PMM2: variants seen among roughly 807,000 people sequenced by gnomAD.
The protein encoded by PMM2 is phosphomannomutase 2.
A neutral mutation model predicts 33.2 loss-of-function variants in PMM2; 35 were observed. That is an observed-to-expected ratio of 1.06 (90% CI 0.81 to 1.40). The LOEUF is 1.40. Ranked by LOEUF, PMM2 falls within the 40% of genes most tolerant of loss-of-function variation. The pLI is 0.00. For synonymous variants in PMM2, 153 were observed against 114.7 expected (o/e 1.33, Z -2.13); for missense variants, 386 against 306.0 (o/e 1.26, Z -1.95).
intron 2 of PMM2, chr16:8,802,364 C>A: frequency 2.3e-6 from 1 of 439,026 alleles, no homozygotes; most frequent in Non-Finnish European, 4.5e-6. Flanking sequence ...CTTGATAGGT[C>A]TGTGGAGCCT....
intron 7 of PMM2, among the ~76,000 whole-genome samples, chr16:8,831,379 C>T (rs150530834): frequency 2.0e-5 from 3 of 151,820 alleles, no homozygotes; most frequent in Non-Finnish European, 2.9e-5. Flanking sequence ...ACATCCATAG[C>T]AAGAATCGAC....
chr16:8,811,027 C>A, intron 4 of PMM2, 52 bp from the exon 5 acceptor site: 2 of 983,444 alleles, frequency 2.0e-6, no homozygotes, highest in Middle Eastern at 2.3e-4. Flanking sequence ...ATCTATGTTG[C>A]CCAAATGAAT....
intron 7 of PMM2, among the ~76,000 whole-genome samples, chr16:8,813,609 G>T (rs1282903253): frequency 2.0e-5 from 3 of 152,142 alleles, no homozygotes; most frequent in Non-Finnish European, 4.4e-5. Flanking sequence ...CACACGGCGG[G>T]TGCTTGGAGC....
chr16:8,827,835 TTGTATAA>T (rs1291453388), intron 7 of PMM2, among the ~76,000 whole-genome samples: 1 of 90,960 alleles, frequency 1.1e-5, no homozygotes, highest in African/African-American at 3.9e-5. Flanking sequence ...ATTATATATA[TTGTATAA>T]TATATAATAT....
chr16:8,825,815 G>A (rs2060764548), intron 7 of PMM2, among the ~76,000 whole-genome samples: 1 of 149,030 alleles, frequency 6.7e-6, no homozygotes, highest in Admixed American at 6.7e-5. Context: ...GAGTGCAGTG[G>A]CACATTCTCA....
At chr16:8,825,617 G>C (rs1408058266) in intron 7 of PMM2, among the ~76,000 whole-genome samples, 1 of 152,130 alleles carries the variant, frequency 6.6e-6, no homozygotes, top group Admixed American at 6.6e-5. Flanking sequence ...ACCACTCCTA[G>C]CCAAAGCTAG....
chr16:8,799,577 C>G (rs2060600182), intron 1 of PMM2, among the ~76,000 whole-genome samples: 1 of 151,294 alleles, frequency 6.6e-6, no homozygotes, highest in Admixed American at 6.6e-5. Context: ...AAGACAGAGT[C>G]TCACTCTGTC....
At chr16:8,803,568 G>A (rs1373440827) in intron 2 of PMM2, among the ~76,000 whole-genome samples, 2 of 152,294 alleles carry the variant, frequency 1.3e-5, no homozygotes, top group East Asian at 1.9e-4. Flanking sequence ...ACACATAGGG[G>A]ATCTGCATTT....
At chr16:8,846,762 G>A (rs769860561) in intron 7 of PMM2, among the ~76,000 whole-genome samples, 6 of 152,206 alleles carry the variant, frequency 3.9e-5, no homozygotes, top group African/African-American at 7.2e-5. Context: ...GGGAGTTGGC[G>A]CAGCCACACT....
chr16:8,817,532 C>A (rs1364990310), intron 7 of PMM2, among the ~76,000 whole-genome samples: 1 of 152,188 alleles, frequency 6.6e-6, no homozygotes, highest in Non-Finnish European at 1.5e-5. Flanking sequence ...GAATGGAATG[C>A]AGTTCTTGGA....
intron 4 of PMM2, chr16:8,809,701 C>G (rs539745030): frequency 1.3e-5 from 2 of 152,152 alleles, no homozygotes; most frequent in Non-Finnish European, 2.9e-5. Context: ...ATCCGCCCGC[C>G]GCAGCATCCC....
chr16:8,839,733 CTT>C (rs775884564), intron 7 of PMM2, among the ~76,000 whole-genome samples: 10 of 151,676 alleles, frequency 6.6e-5, no homozygotes, highest in Non-Finnish European at 1.2e-4. Context: ...TGTAGTTGGA[CTT>C]TGGAGATGAA....
At chr16:8,832,141 G>C in intron 7 of PMM2, 2 of 985,392 alleles carry the variant, frequency 2.0e-6, no homozygotes, top group Non-Finnish European at 2.4e-6. Flanking sequence ...ATGCAAGCTC[G>C]ACACAGCCCC....
Position 8,798,990 on chromosome 16 carries a change from G to C in PMM2, c.66+1042G>C, listed in dbSNP as rs550404669. 2.4e-4 allele frequency among the ~76,000 whole-genome samples: 36 copies of C among 152,296 alleles called. No individual in the cohort carries two copies. In the South Asian group the frequency reaches 3.1e-3, roughly 13 times the overall value. ...CCCAAGTTCTTCAAAGGCTTTTTCT[G>C]ATTCTGAAATTCAGTGATCACACAC... On this transcript the variant is annotated intron_variant, in intron 1 of 7. Transcript: ENST00000268261.
chr16:8,832,590 C>T (rs924296386), intron 7 of PMM2: 26 of 985,310 alleles, frequency 2.6e-5, no homozygotes, highest in Non-Finnish European at 3.1e-5. Context: ...GGGTCTCTTC[C>T]CAGGTAATGG....
intron 7 of PMM2, among the ~76,000 whole-genome samples, chr16:8,846,486 C>A (rs183944931): frequency 6.6e-6 from 1 of 151,872 alleles, no homozygotes; most frequent in African/African-American, 2.4e-5. Context: ...CTGCAGGGCT[C>A]GGGGTTGCGG....
chr16:8,807,373 G>A (rs1483273800), intron 4 of PMM2, among the ~76,000 whole-genome samples: 1 of 152,092 alleles, frequency 6.6e-6, no homozygotes, highest in African/African-American at 2.4e-5. Flanking sequence ...GGCTACTCCG[G>A]CTCCCAGTTC....
chr16:8,832,426 T>A (rs574150624), intron 7 of PMM2: 1 of 985,308 alleles, frequency 1.0e-6, no homozygotes, highest in South Asian at 4.7e-5. Context: ...TGCACACAGA[T>A]CACTCAGATT....
intron 5 of PMM2, 79 bp downstream of exon 5, chr16:8,811,257 T>C: frequency 1.0e-6 from 1 of 990,492 alleles, no homozygotes. Context: ...GGTTCATGCC[T>C]GTAATCCCAA....
Sources: gnomAD v4.1 joint callset for allele counts (sites outside exome capture counted in the v4.1 genomes callset) on GRCh38, gnomAD v4.1.1 for gene constraint, MANE v1.5 for transcripts, NCBI Gene and HGNC (gene_info 2026-07-23, HGNC 2026-07-21) for gene names.